The following USH2A variants were observed in gnomAD, a reference collection of about 807,000 sequenced individuals.
USH2A encodes the protein Usher syndrome 2A (autosomal recessive, mild).
USH2A carries 443 observed loss-of-function variants against 538.9 expected under a neutral mutation model. The ratio of observed to expected loss-of-function variants is 0.82; its 90% CI spans 0.76 to 0.89. USH2A has a LOEUF of 0.89. Among genes scored for constraint, USH2A ranks in the 40% least tolerant of loss-of-function variants. USH2A has a pLI of 0.00. For missense variants in USH2A, 6,633 were observed against 6,324.8 expected, an observed-to-expected ratio of 1.05 and a Z score of -1.65; for synonymous variants, 2,413 against 2,273.5, an observed-to-expected ratio of 1.06 and a Z score of -1.75.
At chr1:215,779,323 G>A (rs1481072306) in intron 55 of USH2A, among the ~76,000 whole-genome samples, 2 of 151,706 alleles carry the variant, frequency 1.3e-5, no homozygotes, top group African/African-American at 4.8e-5. Flanking sequence ...TATTATTAAG[G>A]CTAATGATAA....
rs1433806367 is a variant in USH2A at position 215,888,739 on chromosome 1, G to T, written c.7910C>A (p.Pro2637Gln). Reference sequence around the variant, plus strand: ...TTGCCAAGATATAATCACAGATGTTGGAGTATCAGAGAACAGCTCTGGACT... The same window carrying T: ...TTGCCAAGATATAATCACAGATGTTTGAGTATCAGAGAACAGCTCTGGACT... Reference protein sequence around the residue: ...IPSPELFSDTPTSVIISWQPP... With the variant: ...IPSPELFSDTQTSVIISWQPP... Residue 2637 changes from proline (P) to glutamine (Q), a missense_variant, in exon 41 of 72, where the codon CCA becomes CAA. Physicochemically the swap from Pro to Gln is moderately conservative, Grantham distance 76 (BLOSUM62 -1). Transcript: ENST00000307340. 2 of 1,614,152 alleles carry T rather than the reference G, an allele frequency of 1.2e-6. No individual in the cohort carries two copies. The highest frequency in any genetic ancestry group is 2.2e-5 in the South Asian group (2 of 91,084).
chr1:215,793,855 T>A (rs549672288), intron 50 of USH2A, among the ~76,000 whole-genome samples: 1 of 152,304 alleles, frequency 6.6e-6, no homozygotes, highest in East Asian at 1.9e-4. Context: ...CATCTCATGA[T>A]CAGTTTCCCA....
chr1:215,972,057 G>C (rs189217343), intron 35 of USH2A, among the ~76,000 whole-genome samples: 7 of 152,152 alleles, frequency 4.6e-5, no homozygotes, highest in Non-Finnish European at 1.0e-4. Context: ...TTCATCTGAC[G>C]TCCGCCCCAG....
intron 47 of USH2A, among the ~76,000 whole-genome samples, chr1:215,828,247 C>T (rs369209932): frequency 3.3e-5 from 5 of 152,064 alleles, no homozygotes; most frequent in East Asian, 3.9e-4. Context: ...CCCAGGAGTT[C>T]GAAAGACCAG....
intron 23 of USH2A, among the ~76,000 whole-genome samples, chr1:216,087,164 A>C (rs920890839): frequency 2.6e-5 from 4 of 152,136 alleles, no homozygotes; most frequent in Admixed American, 2.0e-4. Context: ...ATAACAATGG[A>C]AATCCCTGTT....
chr1:216,357,630 TC>T (rs2038413542), intron 4 of USH2A, among the ~76,000 whole-genome samples: 1 of 152,194 alleles, frequency 6.6e-6, no homozygotes, highest in South Asian at 2.1e-4. Flanking sequence ...ATTTATTGAT[TC>T]CTTAATGACC....
At chr1:216,319,479 C>T (rs1185117701) in intron 9 of USH2A, among the ~76,000 whole-genome samples, 4 of 152,068 alleles carry the variant, frequency 2.6e-5, no homozygotes, top group Admixed American at 2.6e-4. Context: ...TGCAAAGACT[C>T]TAGGCATTAG....
intron 29 of USH2A, 88 bp downstream of exon 29, chr1:216,072,801 T>C: frequency 7.8e-7 from 1 of 1,281,582 alleles, no homozygotes; most frequent in African/African-American, 1.5e-5. Context: ...ATATTACTGC[T>C]TCAGGGTAAT....
Position 216,292,429 on chromosome 1 carries a change from A to G in USH2A, c.1645-59T>C, listed in dbSNP as rs2037020786. 9 of 1,565,786 alleles carry G rather than the reference A, an allele frequency of 5.7e-6. No individual in the cohort carries two copies. The South Asian group carries it at 1.0e-4, about 18-fold the overall frequency. ...TAAAGCTGTGATTTTCTTTCATTTTATTGATATGTTAGGCCTTTCACCAGA... is the reference window on the plus strand; with the variant it reads ...TAAAGCTGTGATTTTCTTTCATTTTGTTGATATGTTAGGCCTTTCACCAGA... On this transcript the variant is annotated intron_variant, in intron 9 of 71. Transcript: ENST00000307340.
At chr1:216,382,299 T>C (rs1401194656) in intron 3 of USH2A, among the ~76,000 whole-genome samples, 1 of 152,194 alleles carries the variant, frequency 6.6e-6, no homozygotes, top group African/African-American at 2.4e-5. Context: ...AAAATGTTGA[T>C]GCCAAATGAG....
chr1:215,694,551 T>C (rs376414320), intron 61 of USH2A, among the ~76,000 whole-genome samples: 33 of 152,212 alleles, frequency 2.2e-4, no homozygotes, highest in East Asian at 2.1e-3. Flanking sequence ...CCAGCCTGGG[T>C]GACAGAGAGA....
At chr1:215,731,840 G>T (rs2102716825) in intron 60 of USH2A, among the ~76,000 whole-genome samples, 1 of 152,272 alleles carries the variant, frequency 6.6e-6, no homozygotes, top group East Asian at 1.9e-4. Context: ...CAAATATTCT[G>T]AGTTTAAATA....
chr1:216,003,212 G>A (rs1020821596), intron 32 of USH2A, among the ~76,000 whole-genome samples: 1 of 152,044 alleles, frequency 6.6e-6, no homozygotes, highest in African/African-American at 2.4e-5. Context: ...AGTGAGCCAG[G>A]ATTGAAATAG....
intron 44 of USH2A, 72 bp downstream of exon 44, chr1:215,866,935 G>A (rs1279397764): frequency 6.2e-7 from 1 of 1,600,952 alleles, no homozygotes; most frequent in East Asian, 2.2e-5. Flanking sequence ...CATGGGGGAG[G>A]TTCATAGTAA....
rs536509824 is a variant in USH2A, at chr1:215,897,545, T to C, written c.7594+2530A>G. 3.9e-3 allele frequency among the ~76,000 whole-genome samples: 599 copies of C among 151,776 alleles called. 4 individuals are homozygous for C. The highest frequency in any genetic ancestry group is 0.014 in the African/African-American group (575 of 41,392). ...TAATAAAAATATTAAAAAAATTAGC[T>C]GGGTGTGGTGGTGGGCATCTGTAAT... On this transcript the variant is annotated intron_variant, in intron 40 of 71. Transcript: ENST00000307340.
At chr1:216,395,554 T>C (rs185098184) in intron 3 of USH2A, among the ~76,000 whole-genome samples, 99 of 152,332 alleles carry the variant, frequency 6.5e-4, no homozygotes, top group African/African-American at 2.3e-3. Context: ...TCTGTACAGG[T>C]ATGGTATCAC....
At chr1:215,880,404 T>A (rs1664874752) in intron 41 of USH2A, among the ~76,000 whole-genome samples, 1 of 152,214 alleles carries the variant, frequency 6.6e-6, no homozygotes, top group African/African-American at 2.4e-5. Context: ...TGGGCCAATA[T>A]CTACCAAATT....
chr1:215,697,204 C>T (rs1410897740), intron 61 of USH2A, among the ~76,000 whole-genome samples: 2 of 151,908 alleles, frequency 1.3e-5, no homozygotes, highest in South Asian at 4.2e-4. Flanking sequence ...AGAGATCTGC[C>T]TGCCTCGGCC....
intron 3 of USH2A, among the ~76,000 whole-genome samples, chr1:216,399,369 T>C (rs1220238068): frequency 6.6e-6 from 1 of 152,126 alleles, no homozygotes; most frequent in Non-Finnish European, 1.5e-5. Flanking sequence ...CCTCACTAAG[T>C]GAGCAGGGCC....
Sources: gnomAD v4.1 joint callset for allele counts (sites outside exome capture counted in the v4.1 genomes callset) on GRCh38, gnomAD v4.1.1 for gene constraint, MANE v1.5 for transcripts, NCBI Gene and HGNC (gene_info 2026-07-23, HGNC 2026-07-21) for gene names.